Variants in DCAF4 observed in about 807,000 individuals in gnomAD.
DCAF4 encodes DDB1- and CUL4-associated factor 4.
A neutral mutation model predicts 60.9 loss-of-function variants in DCAF4; 37 were observed. That is an observed-to-expected ratio of 0.61 (90% CI 0.47 to 0.80). The LOEUF is 0.80. DCAF4 is among the 30% of genes least tolerant of loss of function. The pLI, the probability that DCAF4 is intolerant of heterozygous loss-of-function variation, is 0.00. For missense variants in DCAF4, 577 were observed against 650.0 expected (o/e 0.89, Z 1.22); for synonymous variants, 243 against 254.8 (o/e 0.95, Z 0.44).
At chr14:72,960,281 G>T (rs1892765009), downstream of DCAF4, among the ~76,000 whole-genome samples, 1 of 151,726 alleles carries the variant, frequency 6.6e-6, no homozygotes, top group Non-Finnish European at 1.5e-5. Flanking sequence ...TCCCGAGTAG[G>T]TTGGATTATA....
rs147632262 is a variant in DCAF4, at chr14:72,945,753, C to A, written c.535-131C>A. 1.2e-3 allele frequency: 1,527 copies of A among 1,243,278 alleles called. 13 individuals are homozygous for A. The African/African-American group carries it at 0.02, about 16-fold the overall frequency. 77.0% of individuals were successfully genotyped at this position (1,243,278 alleles called of 1,614,324 possible). A position where few individuals can be genotyped will look rare whatever the true frequency, so the allele number is the denominator to read the frequency against. Reference sequence around the variant, plus strand: ...GAAAGTGAGGTCATCTCCACTCTCGCTCATGGAGAGGAACTCTCACCTAGT... The same window carrying A: ...GAAAGTGAGGTCATCTCCACTCTCGATCATGGAGAGGAACTCTCACCTAGT... On this transcript the variant is annotated intron_variant, in intron 6 of 13. Coordinates refer to ENST00000358377, the MANE Select transcript of DCAF4 (RefSeq NM_015604.4).
In DCAF4 at chr14:72,958,610, A is replaced by G. The variant is rs1472153478; in HGVS notation, c.1295-2A>G. ...CTGCCATGTGTCTCTCCTCTTTCCT[A>G]GTGGGCCAGGACTGCTACACGAGAA... On this transcript the variant is annotated splice_acceptor_variant, in intron 13 of 13. Coordinates refer to ENST00000358377, the MANE Select transcript of DCAF4 (RefSeq NM_015604.4). LOFTEE classifies it high-confidence loss of function. The G allele has an allele frequency of 1.2e-6, 2 of 1,613,824 alleles. No homozygotes were observed. Among genetic ancestry groups the G allele is most frequent in the African/African-American group, 2.7e-5 (2 of 74,840 alleles).
chr14:72,959,922 G>A (rs1374407419), downstream of DCAF4, among the ~76,000 whole-genome samples: 1 of 152,154 alleles, frequency 6.6e-6, no homozygotes, highest in Non-Finnish European at 1.5e-5. Flanking sequence ...TGGTTCCCCG[G>A]CTCCCTTCTG....
At chr14:72,928,095 T>C (rs895675800) in intron 1 of DCAF4, among the ~76,000 whole-genome samples, 10 of 149,024 alleles carry the variant, frequency 6.7e-5, no homozygotes, top group Non-Finnish European at 1.2e-4. Context: ...GCCACCGCCC[T>C]GGCCTGTAGA....
chr14:72,929,884 T>A, intron 1 of DCAF4: 1 of 1,471,510 alleles, frequency 6.8e-7, no homozygotes, highest in Non-Finnish European at 9.3e-7. Flanking sequence ...CTTGGTCACC[T>A]TGTGGCCCTT....
intron 5 of DCAF4, chr14:72,942,761 T>G (rs558235307): frequency 1.9e-6 from 1 of 520,784 alleles, no homozygotes. Context: ...CTCCCACTCT[T>G]TGACTCTGCA....
chr14:72,933,556 C>G (rs1888859538), intron 1 of DCAF4, among the ~76,000 whole-genome samples: 1 of 119,566 alleles, frequency 8.4e-6, no homozygotes, highest in African/African-American at 2.8e-5. Flanking sequence ...AAGACTCCAT[C>G]TCAAAAAAAA....
intron 2 of DCAF4, 144 bp downstream of exon 2, chr14:72,938,214 G>A: frequency 2.5e-6 from 3 of 1,203,580 alleles, no homozygotes; most frequent in African/African-American, 1.5e-5. Flanking sequence ...GAGGGGTCTT[G>A]AGGAGAGCCT....
At chr14:72,939,303 G>A (rs1889711072) in intron 2 of DCAF4, among the ~76,000 whole-genome samples, 1 of 152,160 alleles carries the variant, frequency 6.6e-6, no homozygotes, top group African/African-American at 2.4e-5. Flanking sequence ...TTTAGCCGCA[G>A]CTCTATCCCA....
chr14:72,956,839 C>G (rs1268072032), intron 13 of DCAF4: 1 of 280,016 alleles, frequency 3.6e-6, no homozygotes. Context: ...CTATCTTATC[C>G]AAAAACTTGG....
chr14:72,956,567 C>T (rs1892330338), intron 13 of DCAF4, 67 bp downstream of exon 13: 1 of 1,478,356 alleles, frequency 6.8e-7, no homozygotes, highest in Non-Finnish European at 9.3e-7. Flanking sequence ...ATCCCAGCAA[C>T]TTCAGCAGCA....
intron 1 of DCAF4, among the ~76,000 whole-genome samples, chr14:72,928,368 T>C (rs1000087640): frequency 1.3e-5 from 2 of 150,476 alleles, no homozygotes; most frequent in Non-Finnish European, 3.0e-5. Context: ...TAACTTTTTG[T>C]ATTTTAGTAG....
At chr14:72,943,280 C>T (rs1443987174) in intron 6 of DCAF4, among the ~76,000 whole-genome samples, 184 bp downstream of exon 6, 1 of 152,228 alleles carries the variant, frequency 6.6e-6, no homozygotes. Context: ...GCTGAGCTGG[C>T]AGGCAGGCTG....
chr14:72,928,316 C>G (rs1021341726), intron 1 of DCAF4, among the ~76,000 whole-genome samples: 8 of 150,980 alleles, frequency 5.3e-5, no homozygotes, highest in African/African-American at 1.9e-4. Flanking sequence ...GCTTCAGCCT[C>G]CCGAGTAGCT....
intron 1 of DCAF4, among the ~76,000 whole-genome samples, chr14:72,933,383 A>C (rs1054898946): frequency 2.6e-5 from 4 of 152,140 alleles, no homozygotes; most frequent in African/African-American, 9.7e-5. Context: ...TTATGGTGAA[A>C]CCACATCTCT....
chr14:72,950,262 C>T (rs147139482), intron 8 of DCAF4, among the ~76,000 whole-genome samples: 24 of 152,130 alleles, frequency 1.6e-4, no homozygotes, highest in Admixed American at 3.3e-4. Flanking sequence ...GGGCGTGAAA[C>T]GAGGTATCAG....
chr14:72,941,718 T>TAACAA (rs1165049777), intron 4 of DCAF4, 27 bp from the exon 5 acceptor site: 1 of 1,598,220 alleles, frequency 6.3e-7, no homozygotes, highest in Non-Finnish European at 8.6e-7. Flanking sequence ...CTTCATTGAA[T>TAACAA]TGTTCTCTTT....
At chr14:72,931,849 C>T (rs1297037291) in intron 1 of DCAF4, among the ~76,000 whole-genome samples, 2 of 152,036 alleles carry the variant, frequency 1.3e-5, no homozygotes, top group East Asian at 3.9e-4. Context: ...GTTGAACCAA[C>T]CTTATATTTC....
intron 8 of DCAF4, 23 bp from the exon 9 acceptor site, chr14:72,951,775 C>T: frequency 6.2e-7 from 1 of 1,613,288 alleles, no homozygotes; most frequent in Non-Finnish European, 8.5e-7. Context: ...TTGTGCCTAA[C>T]TGTCCTTAAC....
Sources: allele counts gnomAD v4.1 joint callset (sites outside exome capture counted in the v4.1 genomes callset), GRCh38; gene constraint gnomAD v4.1.1; transcripts MANE v1.5; gene names NCBI Gene and HGNC (gene_info 2026-07-23, HGNC 2026-07-21).